ZDHHC21: variants seen among roughly 807,000 people sequenced by gnomAD.
ZDHHC21 encodes the protein palmitoyltransferase ZDHHC21.
ZDHHC21 carries 15 observed loss-of-function variants against 34.6 expected under a neutral mutation model. The ratio of observed to expected loss-of-function variants is 0.43; its 90% CI spans 0.29 to 0.67. ZDHHC21 has a LOEUF of 0.67. Among genes scored for constraint, ZDHHC21 ranks in the 30% least tolerant of loss-of-function variants. ZDHHC21 has a pLI of 0.14. For missense variants in ZDHHC21, 344 were observed against 327.7 expected (o/e 1.05, Z -0.38); for synonymous variants, 142 against 101.8 (o/e 1.40, Z -2.38).
At chr9:14,610,232 G>C (rs1053347409), downstream of ZDHHC21, among the ~76,000 whole-genome samples, 2 of 151,796 alleles carry the variant, frequency 1.3e-5, no homozygotes, top group African/African-American at 2.4e-5. Context: ...ATGTAAAGGA[G>C]TCCTGAGACC....
intron 7 of ZDHHC21, among the ~76,000 whole-genome samples, chr9:14,648,266 T>C (rs528549888): frequency 5.3e-5 from 8 of 152,268 alleles, no homozygotes; most frequent in African/African-American, 1.9e-4. Flanking sequence ...AGCAGCCTAG[T>C]AGCTGGTCTT....
At chr9:14,609,443 G>C (rs1823129876), downstream of ZDHHC21, among the ~76,000 whole-genome samples, 1 of 151,982 alleles carries the variant, frequency 6.6e-6, no homozygotes, top group Admixed American at 6.6e-5. Flanking sequence ...AATAAGTGAA[G>C]GTAACCTGTC....
intron 2 of ZDHHC21, among the ~76,000 whole-genome samples, chr9:14,681,148 T>G (rs533473118): frequency 5.3e-5 from 8 of 152,208 alleles, no homozygotes; most frequent in Non-Finnish European, 1.5e-5. Flanking sequence ...CAGATATATA[T>G]GAATAACTAA....
downstream of ZDHHC21, among the ~76,000 whole-genome samples, chr9:14,610,097 A>T (rs573740454): frequency 2.2e-4 from 34 of 152,000 alleles, no homozygotes; most frequent in African/African-American, 6.0e-4. Flanking sequence ...AACTATTTAA[A>T]TTTTTTCCCA....
the ZDHHC21 span, chr9:14,588,862 CAT>C: frequency 1.3e-5 from 2 of 152,048 alleles, no homozygotes; most frequent in South Asian, 4.2e-4. Context: ...TAAAGGATTC[CAT>C]ATGTTTCCAC....
the ZDHHC21 span, among the ~76,000 whole-genome samples, chr9:14,598,148 G>T: frequency 2.6e-5 from 4 of 152,072 alleles, no homozygotes; most frequent in Admixed American, 2.6e-4. Context: ...TCAAGGATTA[G>T]TCCACCTAGA....
At chr9:14,632,114 A>G (rs572300328) in intron 8 of ZDHHC21, among the ~76,000 whole-genome samples, 1 of 151,966 alleles carries the variant, frequency 6.6e-6, no homozygotes, top group South Asian at 2.1e-4. Context: ...CAATATAACA[A>G]GTATGCCTGT....
the ZDHHC21 span, among the ~76,000 whole-genome samples, chr9:14,597,152 G>A: frequency 1.1e-4 from 16 of 152,198 alleles, no homozygotes; most frequent in Middle Eastern, 3.4e-3. Flanking sequence ...TGTTTTGGAT[G>A]TGTCCCACAC....
intron 5 of ZDHHC21, among the ~76,000 whole-genome samples, chr9:14,665,220 A>G (rs942707608): frequency 4.9e-4 from 67 of 137,150 alleles, no homozygotes; most frequent in African/African-American, 1.5e-3. Context: ...TCAGGAGCCG[A>G]TGCGATCAAC....
chr9:14,610,662 A>G (rs1376957067), downstream of ZDHHC21, among the ~76,000 whole-genome samples: 1 of 151,946 alleles, frequency 6.6e-6, no homozygotes, highest in Non-Finnish European at 1.5e-5. Flanking sequence ...TTAATTCAAT[A>G]TTGCCAGATC....
chr9:14,615,781 C>T lies in ZDHHC21; in HGVS notation c.*3185G>A, dbSNP rs911670457. On this transcript the variant is annotated 3_prime_UTR_variant, in exon 10 of 10. Coordinates refer to ENST00000380916, the MANE Select transcript of ZDHHC21 (RefSeq NM_178566.6). ...TAACTTACAGTATCTAGGTAAAAAC[C>T]TTTCATTTCCAGAAGGTCGACAAAT... 6.6e-6 allele frequency: 1 copy of T among 151,550 alleles called. No homozygotes were observed. Among genetic ancestry groups the T allele is most frequent in the African/African-American group, 2.4e-5 (1 of 41,344 alleles). 9.4% of individuals were successfully genotyped at this position (151,550 alleles called of 1,614,324 possible). A position where few individuals can be genotyped will look rare whatever the true frequency, so the allele number is the denominator to read the frequency against.
the ZDHHC21 span, among the ~76,000 whole-genome samples, chr9:14,604,740 T>G: frequency 6.6e-6 from 1 of 152,202 alleles, no homozygotes; most frequent in Non-Finnish European, 1.5e-5. Context: ...CTTAGTAAAT[T>G]TTTAAATATA....
chr9:14,638,934 A>T (rs1030191344), intron 8 of ZDHHC21, among the ~76,000 whole-genome samples: 3 of 152,124 alleles, frequency 2.0e-5, no homozygotes, highest in Non-Finnish European at 1.5e-5. Context: ...ATCACTAAGG[A>T]AAAGAATACT....
chr9:14,601,946 T>A, the ZDHHC21 span, among the ~76,000 whole-genome samples: 6 of 151,904 alleles, frequency 3.9e-5, 1 homozygote, highest in African/African-American at 1.4e-4. Context: ...AGTTGAACAA[T>A]GAAAATATAT....
rs1438610067 is a variant in ZDHHC21, at chr9:14,618,252, C to G, written c.*714G>C. ...TTTTAATCACAATCAATAATTACAA[C>G]AGTAATAGTGAAAATTGAAAAAATT... On this transcript the variant is annotated 3_prime_UTR_variant, in exon 10 of 10. Transcript: ENST00000380916. 4 of 152,262 alleles carry G rather than the reference C, an allele frequency of 2.6e-5. No individual in the cohort carries two copies. Among genetic ancestry groups the G allele is most frequent in the African/African-American group, 9.7e-5 (4 of 41,348 alleles). The allele number at this position is 152,262 out of a possible 1,614,324, so 9.4% of individuals were successfully genotyped here.
At position 14,672,977 on chromosome 9, in the gene ZDHHC21, T is replaced by C. The variant is rs752842306; in HGVS notation, c.155-49A>G. The C allele has an allele frequency of 2.8e-5, 33 of 1,176,764 alleles. No homozygotes were observed. The African/African-American group carries it at 3.6e-4, about 13-fold the overall frequency. 72.9% of individuals were successfully genotyped at this position (1,176,764 alleles called of 1,614,324 possible). Reference sequence around the variant, plus strand: ...AATTAGTCACTTACCCTTCAAAACATTTTATCAACAATCATATTTAAAGTT... The same window carrying C: ...AATTAGTCACTTACCCTTCAAAACACTTTATCAACAATCATATTTAAAGTT... On this transcript the variant is annotated intron_variant, in intron 4 of 9. Coordinates refer to ENST00000380916, the MANE Select transcript of ZDHHC21 (RefSeq NM_178566.6).
chr9:14,662,175 C>T, intron 6 of ZDHHC21, 40 bp downstream of exon 6: 1 of 1,411,406 alleles, frequency 7.1e-7, no homozygotes, highest in South Asian at 1.3e-5. Context: ...CATTTTATTA[C>T]CCACCCCTCT....
the ZDHHC21 span, among the ~76,000 whole-genome samples, chr9:14,590,238 C>T: frequency 6.6e-6 from 1 of 151,906 alleles, no homozygotes; most frequent in Admixed American, 6.6e-5. Flanking sequence ...AGAAACTATT[C>T]AAACAAAAGG....
chr9:14,646,125 C>A (rs187891067), intron 7 of ZDHHC21, among the ~76,000 whole-genome samples: 1 of 152,136 alleles, frequency 6.6e-6, no homozygotes, highest in Admixed American at 6.6e-5. Context: ...TTATTTATAA[C>A]CTCCAAAAAC....
Sources: allele counts gnomAD v4.1 joint callset (sites outside exome capture counted in the v4.1 genomes callset), GRCh38; gene constraint gnomAD v4.1.1; transcripts MANE v1.5; gene names NCBI Gene and HGNC (gene_info 2026-07-23, HGNC 2026-07-21).